Variants in RABGAP1L observed in about 807,000 individuals in gnomAD.
RABGAP1L encodes rab GTPase-activating protein 1-like.
RABGAP1L carries 63 observed loss-of-function variants against 137.7 expected under a neutral mutation model. The ratio of observed to expected loss-of-function variants is 0.46; its 90% CI spans 0.37 to 0.56. The LOEUF is 0.56. Among genes scored for constraint, RABGAP1L ranks in the 20% least tolerant of loss-of-function variants. The probability of loss-of-function intolerance (pLI) is 0.00; values close to 1 mark genes in which losing one functional copy is unlikely to be tolerated. For synonymous variants in RABGAP1L, 431 were observed against 433.7 expected, an observed-to-expected ratio of 0.99 and a Z score of 0.08; for missense variants, 1,095 against 1,244.0, an observed-to-expected ratio of 0.88 and a Z score of 1.80.
At chr1:174,231,030 CAG>C (rs1357526836) in intron 3 of RABGAP1L, 113 bp from the exon 4 acceptor site, 2 of 704,246 alleles carry the variant, frequency 2.8e-6, no homozygotes, top group South Asian at 2.0e-5. Context: ...AGTGAAAATA[CAG>C]AGAGACCTAG....
intron 13 of RABGAP1L, among the ~76,000 whole-genome samples, chr1:174,411,442 G>A (rs1257707158): frequency 6.6e-6 from 1 of 152,082 alleles, no homozygotes; most frequent in African/African-American, 2.4e-5. Context: ...TTATCATGAA[G>A]GGATGTTGGA....
At chr1:174,237,899 C>G (rs1361371477) in intron 4 of RABGAP1L, among the ~76,000 whole-genome samples, 4 of 150,856 alleles carry the variant, frequency 2.7e-5, no homozygotes, top group Non-Finnish European at 5.9e-5. Flanking sequence ...CCATCACTTT[C>G]AGGTACACCA....
intron 13 of RABGAP1L, among the ~76,000 whole-genome samples, chr1:174,400,651 A>G (rs1451727966): frequency 2.6e-5 from 4 of 152,148 alleles, no homozygotes; most frequent in African/African-American, 9.7e-5. Flanking sequence ...GGGGAGAGCT[A>G]TAAGCAATGG....
intron 17 of RABGAP1L, among the ~76,000 whole-genome samples, chr1:174,719,777 C>T (rs1161059902): frequency 6.6e-6 from 1 of 152,188 alleles, no homozygotes; most frequent in East Asian, 1.9e-4. Flanking sequence ...CCAAAGGCTG[C>T]AGTTTGTGAC....
chr1:174,553,763 G>C (rs1312759327), intron 13 of RABGAP1L, among the ~76,000 whole-genome samples: 1 of 152,188 alleles, frequency 6.6e-6, no homozygotes, highest in African/African-American at 2.4e-5. Context: ...CACTTAGGAA[G>C]GCAGAGGCAG....
chr1:174,327,255 G>A (rs1237862831), intron 11 of RABGAP1L, among the ~76,000 whole-genome samples: 1 of 151,912 alleles, frequency 6.6e-6, no homozygotes, highest in African/African-American at 2.4e-5. Flanking sequence ...AAAAATAATA[G>A]CAACTACAAT....
At chr1:174,954,364 A>G (rs544500121) in intron 19 of RABGAP1L, 2 of 152,250 alleles carry the variant, frequency 1.3e-5, no homozygotes, top group African/African-American at 4.8e-5. Context: ...ATATCCTAGA[A>G]TCTCAGCCAG....
intron 18 of RABGAP1L, among the ~76,000 whole-genome samples, chr1:174,797,199 CT>C (rs1688307143): frequency 6.6e-6 from 1 of 152,042 alleles, no homozygotes; most frequent in African/African-American, 2.4e-5. Flanking sequence ...TCAGCTAGTA[CT>C]TTTCAAGACC....
Position 174,609,730 on chromosome 1 carries a change from A to G in RABGAP1L, c.1711-27645A>G, listed in dbSNP as rs551594411. ...ACAAAATCTATTGTAATTTGCTTCT[A>G]ACAGTGTTTTATACACCTTAATTAT... is the stretch of plus-strand genomic sequence containing the variant. On this transcript the variant is annotated intron_variant, in intron 13 of 25. Coordinates refer to ENST00000681986, the MANE Select transcript of RABGAP1L (RefSeq NM_001366446.1). Among the ~76,000 whole-genome samples, 4 of 152,320 alleles carry G rather than the reference A, an allele frequency of 2.6e-5. No individual in the cohort carries two copies. In the South Asian group the frequency reaches 8.3e-4, roughly 32 times the overall value.
chr1:174,370,910 G>A lies in RABGAP1L; in HGVS notation c.1466-69G>A, dbSNP rs558324849. On this transcript the variant is annotated intron_variant, in intron 11 of 25. Coordinates refer to ENST00000681986, the MANE Select transcript of RABGAP1L (RefSeq NM_001366446.1). ...TATTAGACATGGAGTCATGTTTATT[G>A]TATGATATATAAAGTATCTACTGTA... 10 of 765,250 alleles carry A rather than the reference G, an allele frequency of 1.3e-5. 1 individual carries two copies. In the South Asian group the frequency reaches 2.5e-4, roughly 19 times the overall value. 47.4% of individuals were successfully genotyped at this position (765,250 alleles called of 1,614,324 possible).
At chr1:174,226,988 T>G (rs1670237102) in intron 3 of RABGAP1L, among the ~76,000 whole-genome samples, 1 of 152,090 alleles carries the variant, frequency 6.6e-6, no homozygotes, top group Non-Finnish European at 1.5e-5. Context: ...CTCTAACATA[T>G]CAAAAGGAGA....
intron 13 of RABGAP1L, among the ~76,000 whole-genome samples, chr1:174,560,952 A>T (rs928324104): frequency 6.6e-6 from 1 of 152,222 alleles, no homozygotes; most frequent in African/African-American, 2.4e-5. Flanking sequence ...TACTTCTTGT[A>T]ATGCAATTAG....
intron 20 of RABGAP1L, among the ~76,000 whole-genome samples, chr1:174,966,813 A>G (rs536964772): frequency 6.6e-6 from 1 of 152,288 alleles, no homozygotes; most frequent in Admixed American, 6.5e-5. Context: ...TATCTTGGTC[A>G]AAAAGGAGGA....
intron 7 of RABGAP1L, among the ~76,000 whole-genome samples, chr1:174,261,077 G>A (rs1362717433): frequency 6.6e-6 from 1 of 151,914 alleles, no homozygotes; most frequent in African/African-American, 2.4e-5. Context: ...TTGGCACCAG[G>A]TTTTATGTCT....
intron 13 of RABGAP1L, among the ~76,000 whole-genome samples, chr1:174,431,284 A>G (rs1488434097): frequency 1.3e-5 from 2 of 152,160 alleles, no homozygotes; most frequent in African/African-American, 4.8e-5. Flanking sequence ...TCTAATTTTT[A>G]TGGGATTTCA....
intron 23 of RABGAP1L, 67 bp from the exon 24 acceptor site, chr1:174,982,767 G>C: frequency 1.4e-6 from 2 of 1,411,596 alleles, no homozygotes; most frequent in Non-Finnish European, 2.0e-6. Flanking sequence ...GAATTGATAA[G>C]TAGTTATGTG....
At chr1:174,523,811 C>T (rs1392394581) in intron 13 of RABGAP1L, among the ~76,000 whole-genome samples, 46 of 152,138 alleles carry the variant, frequency 3.0e-4, no homozygotes, top group Admixed American at 3.0e-3. Flanking sequence ...CTTCCCTGCC[C>T]CTGGTACCTC....
At chr1:174,389,594 T>C (rs566892859) in intron 12 of RABGAP1L, among the ~76,000 whole-genome samples, 6 of 152,232 alleles carry the variant, frequency 3.9e-5, no homozygotes, top group Admixed American at 1.3e-4. Context: ...GTCCATGACA[T>C]TTTTTTGATC....
intron 11 of RABGAP1L, chr1:174,367,714 CT>C: frequency 5.4e-6 from 1 of 184,196 alleles, no homozygotes; most frequent in South Asian, 1.3e-4. Flanking sequence ...GGACTAATTC[CT>C]TTTCCAATTC....
Sources: gnomAD v4.1 joint callset for allele counts (sites outside exome capture counted in the v4.1 genomes callset) on GRCh38, gnomAD v4.1.1 for gene constraint, MANE v1.5 for transcripts, NCBI Gene and HGNC (gene_info 2026-07-23, HGNC 2026-07-21) for gene names.